The following DTNB variants were observed in gnomAD, a reference collection of about 807,000 sequenced individuals.
DTNB encodes dystrobrevin beta.
Under a neutral mutation model 90.7 loss-of-function variants are expected in DTNB, and 63 were observed. That is an observed-to-expected ratio of 0.69 (90% CI 0.57 to 0.86). The LOEUF is 0.86. DTNB is among the 40% of genes least tolerant of loss of function. DTNB has a pLI of 0.00. For missense variants in DTNB, 744 were observed against 807.1 expected (o/e 0.92, Z 0.95); for synonymous variants, 277 against 286.7 (o/e 0.97, Z 0.34).
intron 9 of DTNB, among the ~76,000 whole-genome samples, chr2:25,529,105 T>G (rs771701182): frequency 2.6e-5 from 4 of 152,224 alleles, no homozygotes; most frequent in African/African-American, 4.8e-5. Context: ...AAAAGTAGAT[T>G]ACTTAGTTCC....
intron 12 of DTNB, among the ~76,000 whole-genome samples, chr2:25,436,208 G>C (rs183708548): frequency 6.6e-6 from 1 of 152,084 alleles, no homozygotes; most frequent in Non-Finnish European, 1.5e-5. Flanking sequence ...GGTGGTGGGC[G>C]CCTGTAATCT....
intron 20 of DTNB, among the ~76,000 whole-genome samples, chr2:25,378,206 G>A (rs572070460): frequency 3.8e-4 from 58 of 152,300 alleles, no homozygotes; most frequent in African/African-American, 1.3e-3. Context: ...TTCCCTCCTC[G>A]GCTGCCACGG....
intron 6 of DTNB, among the ~76,000 whole-genome samples, chr2:25,583,799 G>A (rs1245654327): frequency 5.9e-5 from 9 of 151,660 alleles, no homozygotes; most frequent in African/African-American, 2.2e-4. Context: ...GATTACAGGC[G>A]TGAACCACTG....
At position 25,607,376 on chromosome 2, in the gene DTNB, G is replaced by C. The variant is rs759328050; in HGVS notation, c.363-55C>G. The C allele has an allele frequency of 2.7e-5, 41 of 1,515,616 alleles. No homozygotes were observed. The South Asian group carries it at 4.8e-4, about 18-fold the overall frequency. 93.9% of individuals were successfully genotyped at this position (1,515,616 alleles called of 1,614,324 possible). A position where few individuals can be genotyped will look rare whatever the true frequency, so the allele number is the denominator to read the frequency against. On this transcript the variant is annotated intron_variant, in intron 4 of 20. Transcript: ENST00000406818. ...GCTATCTGAAACCACAAAAGGACTC[G>C]AATGTATCACTAAATACTGAGCAAC...
At chr2:25,479,269 T>G (rs1211800027) in intron 10 of DTNB, among the ~76,000 whole-genome samples, 1 of 152,218 alleles carries the variant, frequency 6.6e-6, no homozygotes, top group Non-Finnish European at 1.5e-5. Flanking sequence ...TTTCCATATT[T>G]GTCTGAATAT....
chr2:25,624,243 C>G (rs1405230682), intron 4 of DTNB, among the ~76,000 whole-genome samples: 1 of 152,208 alleles, frequency 6.6e-6, no homozygotes, highest in African/African-American at 2.4e-5. Flanking sequence ...TTAAGCGTAT[C>G]TGATTGATGT....
At chr2:25,558,273 G>C in intron 8 of DTNB, 2 of 985,170 alleles carry the variant, frequency 2.0e-6, no homozygotes, top group South Asian at 9.4e-5. Context: ...GAGGTATTCA[G>C]GCAATAATCA....
rs749552514 is a variant in DTNB at position 25,482,863 on chromosome 2, G to C, written c.1012C>G (p.Pro338Ala). Residue 338 changes from proline to alanine, a missense_variant, in exon 10 of 21, where the codon CCT becomes GCT. Transcript: ENST00000406818. ...LDLAHIVPPR[P>A]LTNMNDTMVS... ...ATGGTGTCATTCATATTAGTCAGAG[G>C]GCGAGGAGGACTGAAAGAAAAGACA... The C allele has an allele frequency of 9.4e-6, 15 of 1,603,800 alleles. No individual in the cohort carries two copies. The highest frequency in any genetic ancestry group is 1.1e-5 in the Non-Finnish European group (13 of 1,176,638).
At chr2:25,572,327 C>T (rs755236179) in intron 8 of DTNB, among the ~76,000 whole-genome samples, 2 of 152,062 alleles carry the variant, frequency 1.3e-5, no homozygotes, top group Admixed American at 6.6e-5. Context: ...ATTAGCCAGG[C>T]GTGGTGGTGG....
At chr2:25,463,695 A>G (rs929492311) in intron 10 of DTNB, among the ~76,000 whole-genome samples, 2 of 152,224 alleles carry the variant, frequency 1.3e-5, no homozygotes, top group South Asian at 2.1e-4. Flanking sequence ...CACGGAACGA[A>G]TAAGTCAATG....
chr2:25,448,490 T>G (rs2058755163), intron 12 of DTNB, among the ~76,000 whole-genome samples: 1 of 152,254 alleles, frequency 6.6e-6, no homozygotes, highest in Non-Finnish European at 1.5e-5. Context: ...AGCCACTTCC[T>G]ATTTCAATCA....
At chr2:25,535,243 GCTCCTCACTTCCTAGACGGAGTGGCA>G (rs1558925426) in intron 8 of DTNB, among the ~76,000 whole-genome samples, 8 of 145,440 alleles carry the variant, frequency 5.5e-5, no homozygotes, top group African/African-American at 7.8e-5. Context: ...AGGCAGAGAC[GCTCCTCACTTCCTAGACGGAGTGGCA>G]GCCAGGCAGA....
At chr2:25,636,445 T>C (rs2077140094) in intron 3 of DTNB, among the ~76,000 whole-genome samples, 1 of 152,178 alleles carries the variant, frequency 6.6e-6, no homozygotes. Flanking sequence ...CTAGTCAGGC[T>C]CTCAACACTC....
In DTNB at chr2:25,432,895, C is replaced by T. The variant is rs772398668; in HGVS notation, c.1448G>A (p.Arg483Gln). ...QQNPTLLAEL[R>Q]LLRQRKDELE... ...GAGTGTCCCTACTCACCTCAGCAGCCGCAGCTCTGCCAGCAGCGTGGGGTT... is the reference window on the plus strand; with the variant it reads ...GAGTGTCCCTACTCACCTCAGCAGCTGCAGCTCTGCCAGCAGCGTGGGGTT... Residue 483 changes from arginine (R) to glutamine (Q), a missense_variant, in exon 14 of 21, where the codon CGG becomes CAG. Arg to Gln is a conservative substitution (Grantham distance 43). Transcript: ENST00000406818. The T allele has an allele frequency of 3.2e-5, 52 of 1,602,318 alleles. 2 individuals are homozygous for T. The highest frequency in any genetic ancestry group is 9.0e-5 in the South Asian group (8 of 88,676).
intron 8 of DTNB, among the ~76,000 whole-genome samples, chr2:25,532,078 C>G (rs1165422404): frequency 6.6e-6 from 1 of 151,928 alleles, no homozygotes; most frequent in Non-Finnish European, 1.5e-5. Context: ...GAAACCATGT[C>G]TCTACTAAAA....
At chr2:25,645,386 T>C (rs1573963898) in intron 2 of DTNB, among the ~76,000 whole-genome samples, 2 of 149,408 alleles carry the variant, frequency 1.3e-5, no homozygotes, top group Admixed American at 1.3e-4. Flanking sequence ...AAAAAGAAAG[T>C]AATAACTAAA....
At chr2:25,530,406 C>G (rs1315524128) in intron 9 of DTNB, among the ~76,000 whole-genome samples, 1 of 152,130 alleles carries the variant, frequency 6.6e-6, no homozygotes, top group Non-Finnish European at 1.5e-5. Context: ...CACTGCACTC[C>G]AGACTAGGTG....
At chr2:25,660,099 C>A (rs147287049) in intron 1 of DTNB, among the ~76,000 whole-genome samples, 141 of 152,252 alleles carry the variant, frequency 9.3e-4, no homozygotes, top group African/African-American at 3.3e-3. Context: ...TATATCCTTA[C>A]ACTTATGGTC....
At chr2:25,472,626 G>A (rs1233200576) in intron 10 of DTNB, among the ~76,000 whole-genome samples, 1 of 152,210 alleles carries the variant, frequency 6.6e-6, no homozygotes, top group Admixed American at 6.5e-5. Flanking sequence ...GCTCATGCCT[G>A]TAATCCCAGC....
Sources: allele counts gnomAD v4.1 joint callset (sites outside exome capture counted in the v4.1 genomes callset), GRCh38; gene constraint gnomAD v4.1.1; transcripts MANE v1.5; gene names NCBI Gene and HGNC (gene_info 2026-07-23, HGNC 2026-07-21).